The following IQCM variants were observed in gnomAD, a reference collection of about 807,000 sequenced individuals.
The protein encoded by IQCM is IQ domain-containing protein M.
Under a neutral mutation model 57.6 loss-of-function variants are expected in IQCM, and 45 were observed. That is an observed-to-expected ratio of 0.78 (90% confidence interval 0.62 to 1.00). The LOEUF is 1.00. IQCM is among the 50% of genes least tolerant of loss of function. IQCM has a pLI of 0.00. For synonymous variants in IQCM, 148 were observed against 158.9 expected, an observed-to-expected ratio of 0.93 and a Z score of 0.51; for missense variants, 468 against 511.6, an observed-to-expected ratio of 0.91 and a Z score of 0.82.
intron 13 of IQCM, among the ~76,000 whole-genome samples, chr4:149,365,330 A>G (rs2110941128): frequency 6.6e-6 from 1 of 152,322 alleles, no homozygotes; most frequent in Non-Finnish European, 1.5e-5. Context: ...CAATAACAAA[A>G]TAATACAGTA....
chr4:149,444,144 C>T (rs951971857), intron 12 of IQCM, among the ~76,000 whole-genome samples: 3 of 151,774 alleles, frequency 2.0e-5, no homozygotes, highest in Admixed American at 6.6e-5. Context: ...AGGAGAAAGG[C>T]TACATATATT....
chr4:149,419,943 T>G (rs952024561), intron 13 of IQCM, among the ~76,000 whole-genome samples: 6 of 152,090 alleles, frequency 3.9e-5, no homozygotes, highest in Non-Finnish European at 1.5e-5. Flanking sequence ...CACAATGAGA[T>G]AGTATCTCAC....
intron 13 of IQCM, among the ~76,000 whole-genome samples, chr4:149,402,833 T>C (rs1276224962): frequency 6.6e-6 from 1 of 151,798 alleles, no homozygotes; most frequent in Non-Finnish European, 1.5e-5. Context: ...ACAAAAAAGG[T>C]TTTATCTAAA....
intron 3 of IQCM, 114 bp from the exon 4 acceptor site, chr4:149,735,572 T>C (rs1766859168): frequency 1.1e-5 from 5 of 449,266 alleles, no homozygotes; most frequent in Non-Finnish European, 1.8e-5. Context: ...CATAATATTT[T>C]GCTTTTAAGA....
chr4:149,775,040 CAAAA>C (rs35383107), intron 2 of IQCM, among the ~76,000 whole-genome samples: 61 of 87,044 alleles, frequency 7.0e-4, no homozygotes, highest in Middle Eastern at 6.5e-3. Context: ...TTCTTTTTGC[CAAAA>C]AAAAAAAAAA....
At chr4:149,776,530 C>T (rs1771106936) in intron 2 of IQCM, among the ~76,000 whole-genome samples, 1 of 152,094 alleles carries the variant, frequency 6.6e-6, no homozygotes, top group South Asian at 2.1e-4. Flanking sequence ...TTGAAAGAAA[C>T]ATGGTTCTTC....
At chr4:149,469,224 G>A (rs542271015) in intron 12 of IQCM, among the ~76,000 whole-genome samples, 1 of 152,192 alleles carries the variant, frequency 6.6e-6, no homozygotes, top group East Asian at 1.9e-4. Context: ...TAAAAACCTT[G>A]AAAAAAGATT....
chr4:149,390,679 CAT>C (rs1167113253), intron 13 of IQCM, among the ~76,000 whole-genome samples: 7 of 151,836 alleles, frequency 4.6e-5, no homozygotes, highest in Admixed American at 1.3e-4. Flanking sequence ...TTGAGATAAT[CAT>C]GTGGTTTTTT....
Position 149,426,636 on chromosome 4 carries a change from A to C in IQCM, c.1390+6760T>G, listed in dbSNP as rs536616075. ...CCTCCATTTCCACATTGTATTACTC[A>C]CATAGAACTCAGTGACTCATTTGTG... On this transcript the variant is annotated intron_variant, in intron 13 of 13. Transcript: ENST00000636793. Among the ~76,000 whole-genome samples the C allele has an allele frequency of 5.0e-4, 76 of 151,972 alleles. 1 individual carries two copies. In the South Asian group the frequency reaches 0.015, roughly 31 times the overall value.
intron 2 of IQCM, among the ~76,000 whole-genome samples, chr4:149,756,934 A>G (rs1259994659): frequency 6.6e-6 from 1 of 152,230 alleles, no homozygotes; most frequent in Non-Finnish European, 1.5e-5. Context: ...TAAACCACAC[A>G]GTAATTTTTG....
At chr4:149,624,496 A>G (rs768725886) in intron 7 of IQCM, among the ~76,000 whole-genome samples, 13 of 152,212 alleles carry the variant, frequency 8.5e-5, no homozygotes, top group Non-Finnish European at 1.8e-4. Context: ...CCTAATAAGT[A>G]GTTGTTATTT....
intron 9 of IQCM, among the ~76,000 whole-genome samples, chr4:149,587,458 G>A (rs1752745177): frequency 6.6e-6 from 1 of 151,596 alleles, no homozygotes; most frequent in Admixed American, 6.6e-5. Flanking sequence ...CAAAATCAAT[G>A]TTTTCAAAAC....
intron 2 of IQCM, among the ~76,000 whole-genome samples, chr4:149,759,226 C>A (rs1459235543): frequency 1.1e-4 from 16 of 152,118 alleles, no homozygotes; most frequent in Non-Finnish European, 1.5e-5. Context: ...ACTATTCAGA[C>A]AGTAAGCAGA....
chr4:149,589,861 C>T (rs922652471), intron 8 of IQCM, among the ~76,000 whole-genome samples: 5 of 151,894 alleles, frequency 3.3e-5, no homozygotes, highest in Non-Finnish European at 7.4e-5. Context: ...CAAGATGTTC[C>T]GTGACACATT....
intron 12 of IQCM, among the ~76,000 whole-genome samples, chr4:149,468,601 C>G (rs1739139918): frequency 6.6e-6 from 1 of 152,186 alleles, no homozygotes; most frequent in Admixed American, 6.5e-5. Context: ...TTAAACATCC[C>G]TGTCTGACAG....
chr4:149,497,790 A>G (rs1481260434), intron 12 of IQCM, among the ~76,000 whole-genome samples: 3 of 151,618 alleles, frequency 2.0e-5, no homozygotes, highest in Non-Finnish European at 4.4e-5. Flanking sequence ...CCACCCAAAA[A>G]GAACCTATAT....
At chr4:149,813,897 G>A (rs1019803259) in intron 2 of IQCM, among the ~76,000 whole-genome samples, 1 of 151,984 alleles carries the variant, frequency 6.6e-6, no homozygotes, top group African/African-American at 2.4e-5. Flanking sequence ...AGCTGATAAA[G>A]TGCAAAACCT....
rs1750346307 is a variant in IQCM at position 149,563,673 on chromosome 4, T to C, written c.948+19A>G. 1 of 1,223,402 alleles carries C rather than the reference T, an allele frequency of 8.2e-7. No individual in the cohort carries two copies. Among genetic ancestry groups the C allele is most frequent in the Non-Finnish European group, 1.0e-6 (1 of 980,176 alleles). The allele number at this position is 1,223,402 out of a possible 1,614,324, so 75.8% of individuals were successfully genotyped here. A position where few individuals can be genotyped will look rare whatever the true frequency, so the allele number is the denominator to read the frequency against. On this transcript the variant is annotated intron_variant, in intron 10 of 13. Coordinates refer to ENST00000636793, the MANE Select transcript of IQCM (RefSeq NM_001363507.2). ...ATGAGAAATTTTAAACACATTATAATATCTGATGGATATCTTACCTTGGTC... is the reference window on the plus strand; with the variant it reads ...ATGAGAAATTTTAAACACATTATAACATCTGATGGATATCTTACCTTGGTC...
chr4:149,386,134 A>G (rs1314019548), intron 13 of IQCM, among the ~76,000 whole-genome samples: 2 of 152,100 alleles, frequency 1.3e-5, no homozygotes, highest in Non-Finnish European at 2.9e-5. Context: ...ACAAAATAAG[A>G]TAAGAAATGT....
Sources: gnomAD v4.1 joint callset for allele counts (sites outside exome capture counted in the v4.1 genomes callset) on GRCh38, gnomAD v4.1.1 for gene constraint, MANE v1.5 for transcripts, NCBI Gene and HGNC (gene_info 2026-07-23, HGNC 2026-07-21) for gene names.